The following ATP8A2 variants were observed in gnomAD, a reference collection of about 807,000 sequenced individuals.
ATP8A2 encodes phospholipid-transporting ATPase IB.
In ATP8A2, 100 loss-of-function variants were observed where a neutral mutation model predicts 165.6. The observed-to-expected ratio is 0.60, with a 90% confidence interval of 0.51 to 0.71. The LOEUF (loss-of-function observed/expected upper bound fraction) is 0.71, where lower values mean the gene tolerates loss of function less well. Among genes scored for constraint, ATP8A2 ranks in the 30% least tolerant of loss-of-function variants. ATP8A2 has a pLI of 0.00. For synonymous variants in ATP8A2, 543 were observed against 548.8 expected (o/e 0.99, Z 0.15); for missense variants, 1,227 against 1,479.5 (o/e 0.83, Z 2.80).
intron 2 of ATP8A2, among the ~76,000 whole-genome samples, chr13:25,496,141 T>C (rs569560038): frequency 6.6e-6 from 1 of 152,284 alleles, no homozygotes; most frequent in East Asian, 1.9e-4. Context: ...GCTTGACTGT[T>C]TTACCAAGTT....
chr13:25,989,943 A>G (rs1956352352), intron 35 of ATP8A2, among the ~76,000 whole-genome samples: 1 of 152,174 alleles, frequency 6.6e-6, no homozygotes, highest in Admixed American at 6.5e-5. Context: ...AGCCTTGGTA[A>G]TCCTTTGGCC....
At chr13:25,677,419 A>G (rs1051643580) in intron 24 of ATP8A2, among the ~76,000 whole-genome samples, 2 of 151,580 alleles carry the variant, frequency 1.3e-5, no homozygotes, top group Non-Finnish European at 1.5e-5. Flanking sequence ...AAATTTTGCC[A>G]TCTGTAGATA....
At chr13:25,470,156 A>G (rs866361593) in intron 2 of ATP8A2, among the ~76,000 whole-genome samples, 16 of 152,224 alleles carry the variant, frequency 1.1e-4, no homozygotes, top group South Asian at 4.1e-4. Flanking sequence ...TTTATTTAGA[A>G]AGGTCAGGCA....
intron 35 of ATP8A2, among the ~76,000 whole-genome samples, chr13:25,972,936 AAG>A (rs1456720713): frequency 1.3e-5 from 2 of 152,190 alleles, no homozygotes; most frequent in African/African-American, 4.8e-5. Context: ...CAAGAAAAAA[AAG>A]GGGGAATATA....
intron 33 of ATP8A2, among the ~76,000 whole-genome samples, chr13:25,918,795 G>A (rs1283391326): frequency 3.3e-5 from 5 of 152,036 alleles, no homozygotes; most frequent in Non-Finnish European, 5.9e-5. Context: ...ATTTCATTTT[G>A]GACCCCACTT....
intron 30 of ATP8A2, 37 bp from the exon 31 acceptor site, chr13:25,860,158 C>T: frequency 1.4e-6 from 2 of 1,476,200 alleles, no homozygotes; most frequent in Non-Finnish European, 1.9e-6. Context: ...CCATGCTCAG[C>T]TTCTTGGATG....
intron 1 of ATP8A2, among the ~76,000 whole-genome samples, chr13:25,437,509 A>G (rs1291837343): frequency 6.6e-6 from 1 of 152,226 alleles, no homozygotes; most frequent in Non-Finnish European, 1.5e-5. Flanking sequence ...CAACAGATCA[A>G]AGCTCTTATA....
intron 33 of ATP8A2, among the ~76,000 whole-genome samples, chr13:25,959,241 A>G (rs1458758993): frequency 6.6e-6 from 1 of 152,196 alleles, no homozygotes; most frequent in South Asian, 2.1e-4. Flanking sequence ...GCCAAAATAC[A>G]TGTGTTCTGT....
intron 33 of ATP8A2, among the ~76,000 whole-genome samples, chr13:25,899,786 T>C (rs916918858): frequency 6.6e-6 from 1 of 152,200 alleles, no homozygotes; most frequent in African/African-American, 2.4e-5. Context: ...AAACTTGATT[T>C]TCCTGCAGAT....
At chr13:25,558,906 G>T (rs1233990892) in intron 13 of ATP8A2, 67 bp from the exon 14 acceptor site, 7 of 1,126,388 alleles carry the variant, frequency 6.2e-6, no homozygotes, top group Non-Finnish European at 9.0e-6. Context: ...TAGAAGGAAA[G>T]ACTTCATTTG....
At chr13:25,759,087 G>A (rs2044325933) in intron 25 of ATP8A2, among the ~76,000 whole-genome samples, 1 of 152,192 alleles carries the variant, frequency 6.6e-6, no homozygotes, top group African/African-American at 2.4e-5. Context: ...ACCTGCCTGA[G>A]TGTGAAGCAC....
intron 28 of ATP8A2, among the ~76,000 whole-genome samples, chr13:25,832,927 T>G (rs1407836884): frequency 6.6e-6 from 1 of 152,142 alleles, no homozygotes; most frequent in Non-Finnish European, 1.5e-5. Flanking sequence ...AATGTAAATA[T>G]GTTCATATAT....
intron 36 of ATP8A2, among the ~76,000 whole-genome samples, chr13:26,013,325 T>G (rs539493714): frequency 2.0e-5 from 3 of 152,238 alleles, no homozygotes; most frequent in African/African-American, 7.2e-5. Flanking sequence ...CTCCCATACT[T>G]ACTCCCTGCC....
chr13:25,773,844 T>TATC (rs2138316240), intron 26 of ATP8A2, among the ~76,000 whole-genome samples: 1 of 152,302 alleles, frequency 6.6e-6, no homozygotes, highest in South Asian at 2.1e-4. Context: ...TGTGTCTGTT[T>TATC]ATCTGTGCCT....
In ATP8A2 at chr13:25,708,089, TC is replaced by T. The variant is rs2043090001; in HGVS notation, c.2384+8745del. ...TGAATGATTACTTCATCAGTGCATG[TC>T]ATTTTTGACAATACTGCTTGCCAAA... On this transcript the variant is annotated intron_variant, in intron 25 of 36. Transcript: ENST00000381655. Among the ~76,000 whole-genome samples the T allele has an allele frequency of 2.6e-5, 4 of 152,320 alleles. No homozygotes were observed. In the South Asian group the frequency reaches 8.3e-4, roughly 32 times the overall value.
intron 36 of ATP8A2, among the ~76,000 whole-genome samples, chr13:26,015,404 A>G (rs1260522974): frequency 1.3e-5 from 2 of 152,182 alleles, no homozygotes; most frequent in Non-Finnish European, 2.9e-5. Context: ...AGTTCCTGTG[A>G]GCCACCAACA....
At chr13:26,006,573 T>A (rs1956743505) in intron 35 of ATP8A2, among the ~76,000 whole-genome samples, 1 of 152,068 alleles carries the variant, frequency 6.6e-6, no homozygotes, top group Non-Finnish European at 1.5e-5. Context: ...AAAGTTGGCA[T>A]CCTTGTCTTC....
intron 27 of ATP8A2, 59 bp downstream of exon 27, chr13:25,775,018 G>A: frequency 4.2e-6 from 4 of 960,430 alleles, no homozygotes; most frequent in African/African-American, 1.7e-5. Flanking sequence ...ATATCTTGAG[G>A]TATTTAAAGT....
intron 25 of ATP8A2, among the ~76,000 whole-genome samples, chr13:25,730,465 G>T (rs775327119): frequency 7.9e-5 from 12 of 152,168 alleles, no homozygotes; most frequent in Non-Finnish European, 1.5e-4. Context: ...TACCTCTGGT[G>T]TCTAAAATGT....
Sources: allele counts gnomAD v4.1 joint callset (sites outside exome capture counted in the v4.1 genomes callset), GRCh38; gene constraint gnomAD v4.1.1; transcripts MANE v1.5; gene names NCBI Gene and HGNC (gene_info 2026-07-23, HGNC 2026-07-21).